Variants in GRID2 observed in about 807,000 individuals in gnomAD.
GRID2 encodes glutamate ionotropic receptor delta type subunit 2.
A neutral mutation model predicts 114.8 loss-of-function variants in GRID2; 33 were observed. That is an observed-to-expected ratio of 0.29 (90% CI 0.22 to 0.38). The LOEUF is 0.38. Among genes scored for constraint, GRID2 ranks in the 10% least tolerant of loss-of-function variants. The probability of loss-of-function intolerance (pLI) is 1.00; values close to 1 mark genes in which losing one functional copy is unlikely to be tolerated. For synonymous variants in GRID2, 505 were observed against 449.9 expected (o/e 1.12, Z -1.55); for missense variants, 1,184 against 1,257.7 (o/e 0.94, Z 0.89).
At chr4:93,780,364 G>A (rs745684102) in intron 1 of GRID2, among the ~76,000 whole-genome samples, 1 of 152,152 alleles carries the variant, frequency 6.6e-6, no homozygotes. Context: ...AAAGAATAGC[G>A]AGACGATCAA....
intron 2 of GRID2, among the ~76,000 whole-genome samples, chr4:92,981,791 A>T (rs560854204): frequency 6.6e-6 from 1 of 151,992 alleles, no homozygotes. Context: ...TCAATACAAT[A>T]TAGAGACTAA....
At chr4:92,674,246 C>A (rs533939168) in intron 2 of GRID2, among the ~76,000 whole-genome samples, 1 of 152,084 alleles carries the variant, frequency 6.6e-6, no homozygotes. Context: ...TCTCCTTCCT[C>A]TAGGACTTCA....
intron 11 of GRID2, among the ~76,000 whole-genome samples, chr4:93,463,984 A>G (rs1297668868): frequency 1.3e-5 from 2 of 152,174 alleles, no homozygotes; most frequent in Non-Finnish European, 2.9e-5. Context: ...GCAAGACTCC[A>G]TCTCAAAAAC....
intron 2 of GRID2, among the ~76,000 whole-genome samples, chr4:93,078,483 T>A (rs899475843): frequency 1.1e-4 from 16 of 151,348 alleles, no homozygotes; most frequent in Non-Finnish European, 1.5e-5. Context: ...AAATACATTT[T>A]ATATATATAA....
chr4:93,809,219 T>G (rs1390152284), exon 2 of GRID2: 1 of 152,204 alleles, frequency 6.6e-6, no homozygotes, highest in Non-Finnish European at 1.5e-5. Context: ...TAGCCTGGCC[T>G]TCCATTTCTG....
intron 12 of GRID2, among the ~76,000 whole-genome samples, chr4:93,499,238 C>T (rs545614733): frequency 1.3e-5 from 2 of 151,842 alleles, no homozygotes; most frequent in Non-Finnish European, 2.9e-5. Flanking sequence ...CTGCCTGCTG[C>T]TTCACATCTT....
At chr4:93,485,766 T>C (rs1726327267) in intron 11 of GRID2, among the ~76,000 whole-genome samples, 1 of 151,782 alleles carries the variant, frequency 6.6e-6, no homozygotes, top group Non-Finnish European at 1.5e-5. Flanking sequence ...ACTATATTAA[T>C]CTATAGTCAT....
intron 12 of GRID2, among the ~76,000 whole-genome samples, chr4:93,508,020 A>G (rs1437300318): frequency 1.3e-5 from 2 of 151,784 alleles, no homozygotes; most frequent in Non-Finnish European, 2.9e-5. Context: ...GGGTGGGGGA[A>G]TTGGGAGGGA....
At chr4:93,482,833 A>C (rs903210162) in intron 11 of GRID2, among the ~76,000 whole-genome samples, 1 of 151,988 alleles carries the variant, frequency 6.6e-6, no homozygotes, top group Non-Finnish European at 1.5e-5. Flanking sequence ...TAGACATGTC[A>C]TGTTGTAGAA....
chr4:93,466,837 A>G (rs190269279), intron 11 of GRID2, among the ~76,000 whole-genome samples: 188 of 152,332 alleles, frequency 1.2e-3, no homozygotes, highest in African/African-American at 4.4e-3. Flanking sequence ...TTAATATGTT[A>G]ATGAAACTGA....
intron 14 of GRID2, among the ~76,000 whole-genome samples, chr4:93,739,286 G>A (rs1054125219): frequency 2.0e-5 from 3 of 152,032 alleles, no homozygotes; most frequent in Non-Finnish European, 4.4e-5. Flanking sequence ...TCTTCTAGAA[G>A]CTGTATAAAC....
intron 14 of GRID2, among the ~76,000 whole-genome samples, chr4:93,731,274 T>C (rs1220774678): frequency 1.3e-5 from 2 of 152,104 alleles, no homozygotes; most frequent in African/African-American, 4.8e-5. Context: ...GAAAATCATC[T>C]GTTGCAGTCG....
chr4:92,633,505 T>G (rs917039376), intron 2 of GRID2, among the ~76,000 whole-genome samples: 1 of 152,168 alleles, frequency 6.6e-6, no homozygotes, highest in African/African-American at 2.4e-5. Flanking sequence ...ATATAACGAA[T>G]TCCTAGATCC....
intron 2 of GRID2, among the ~76,000 whole-genome samples, chr4:92,787,900 A>T (rs1739397405): frequency 6.6e-6 from 1 of 151,752 alleles, no homozygotes; most frequent in Admixed American, 6.6e-5. Flanking sequence ...TGACCGCTTG[A>T]TATGCAGTGT....
intron 2 of GRID2, among the ~76,000 whole-genome samples, chr4:92,903,028 G>T (rs1286543779): frequency 1.3e-5 from 2 of 151,778 alleles, no homozygotes; most frequent in Non-Finnish European, 1.5e-5. Context: ...GATCGCTTCG[G>T]TTATTCAGGC....
intron 2 of GRID2, among the ~76,000 whole-genome samples, chr4:92,944,390 C>T (rs571179083): frequency 2.0e-5 from 3 of 152,342 alleles, no homozygotes; most frequent in East Asian, 1.9e-4. Context: ...TGGATATAAT[C>T]TCCTGGTGTC....
chr4:93,347,655 C>T lies in GRID2; in HGVS notation c.1246-47952C>T, dbSNP rs1760374326. Among the ~76,000 whole-genome samples, 5 of 152,156 alleles carry T rather than the reference C, an allele frequency of 3.3e-5. No homozygotes were observed. In the South Asian group the frequency reaches 1.0e-3, roughly 32 times the overall value. On this transcript the variant is annotated intron_variant, in intron 8 of 15. Transcript: ENST00000282020. Reference sequence around the variant, plus strand: ...GCCAGTTATTCATATAAGCGCTTTCCATATATTTGCTAATGTATTACTTAG... The same window carrying T: ...GCCAGTTATTCATATAAGCGCTTTCTATATATTTGCTAATGTATTACTTAG...
intron 8 of GRID2, among the ~76,000 whole-genome samples, chr4:93,258,108 A>C (rs577493995): frequency 2.6e-5 from 4 of 151,212 alleles, no homozygotes; most frequent in Non-Finnish European, 5.9e-5. Flanking sequence ...TCAATTGCAG[A>C]CCATACATTA....
chr4:93,005,242 A>G (rs1206259758), intron 2 of GRID2, among the ~76,000 whole-genome samples: 3 of 152,106 alleles, frequency 2.0e-5, no homozygotes, highest in Non-Finnish European at 2.9e-5. Context: ...ATGGTCATTC[A>G]TCAAAATGTT....
Sources: gnomAD v4.1 joint callset for allele counts (sites outside exome capture counted in the v4.1 genomes callset) on GRCh38, gnomAD v4.1.1 for gene constraint, MANE v1.5 for transcripts, NCBI Gene and HGNC (gene_info 2026-07-23, HGNC 2026-07-21) for gene names.